The following LRRC17 variants were observed in gnomAD, a reference collection of about 807,000 sequenced individuals.
The protein encoded by LRRC17 is leucine-rich repeat-containing protein 17.
LRRC17 carries 33 observed loss-of-function variants against 41.5 expected under a neutral mutation model. That is an observed-to-expected ratio of 0.80 (90% CI 0.60 to 1.06). LRRC17 has a LOEUF of 1.06. Among genes scored for constraint, LRRC17 ranks in the 50% least tolerant of loss-of-function variants. LRRC17 has a pLI of 0.00. For synonymous variants in LRRC17, 192 were observed against 197.0 expected (o/e 0.97, Z 0.21); for missense variants, 491 against 519.3 (o/e 0.95, Z 0.53).
chr7:102,944,213 C>T lies in LRRC17; in HGVS notation c.932C>T (p.Ala311Val), dbSNP rs1349134552. 6.3e-7 allele frequency: 1 copy of T among 1,599,770 alleles called. No individual in the cohort carries two copies. The highest frequency in any genetic ancestry group is 1.7e-5 in the Admixed American group (1 of 57,200). Residue 311 changes from alanine (A) to valine (V), a missense_variant, in exon 4 of 4, where the codon GCT becomes GTT. Ala to Val is a moderately conservative substitution (Grantham distance 64, BLOSUM62 0). Coordinates refer to ENST00000339431, the MANE Select transcript of LRRC17 (RefSeq NM_001031692.3). ...AATAAATATTTTCTGTTTCCAGCCG[C>T]TTTTTTAGGGCTCACACATTTAGAA... ...SNGIEFIDPA[A>V]FLGLTHLEEL...
intron 1 of LRRC17, among the ~76,000 whole-genome samples, chr7:102,915,726 C>T (rs1206876909): frequency 8.9e-6 from 1 of 112,044 alleles, no homozygotes; most frequent in African/African-American, 5.8e-5. Context: ...ACATAATTAC[C>T]AAATAAAAAA....
At chr7:102,938,705 A>C (rs1055502490) in intron 2 of LRRC17, among the ~76,000 whole-genome samples, 20 of 152,222 alleles carry the variant, frequency 1.3e-4, no homozygotes, top group African/African-American at 4.8e-4. Flanking sequence ...ATCAAAAGCA[A>C]ACACTTTGCA....
Position 102,942,236 on chromosome 7 carries a change from TTAAGGCAAAATGACC to T in LRRC17, c.929-1970_929-1956del, listed in dbSNP as rs1305089576. The T allele has an allele frequency of 1.5e-5, 22 of 1,441,216 alleles. No homozygotes were observed. In the African/African-American group the frequency reaches 2.9e-4, roughly 19 times the overall value. 89.3% of individuals were successfully genotyped at this position (1,441,216 alleles called of 1,614,324 possible). On this transcript the variant is annotated intron_variant, in intron 3 of 3. Transcript: ENST00000339431. ...TTGAAACAAAAAAGTATCTTGGCAGTTAAGGCAAAATGACCTAAAGAAGTTTTAAAATGAAAGGTC... is the reference window on the plus strand; with the variant it reads ...TTGAAACAAAAAAGTATCTTGGCAGTTAAAGAAGTTTTAAAATGAAAGGTC...
At chr7:102,921,801 T>G (rs1817088411) in intron 1 of LRRC17, among the ~76,000 whole-genome samples, 1 of 152,182 alleles carries the variant, frequency 6.6e-6, no homozygotes, top group Non-Finnish European at 1.5e-5. Context: ...GTAGAAATAA[T>G]TCAGTCCACA....
chr7:102,937,565 G>A (rs1038703815), intron 2 of LRRC17, among the ~76,000 whole-genome samples: 1 of 150,912 alleles, frequency 6.6e-6, no homozygotes, highest in Non-Finnish European at 1.5e-5. Flanking sequence ...AGTACAAATG[G>A]CTTTCACTGT....
chr7:102,926,548 T>G (rs990964523), intron 1 of LRRC17, among the ~76,000 whole-genome samples: 1 of 152,230 alleles, frequency 6.6e-6, no homozygotes, highest in African/African-American at 2.4e-5. Flanking sequence ...AAGCCAATGC[T>G]TTTGCTCAAA....
Position 102,944,179 on chromosome 7 carries a change from CTCAGGCTCAATAAATATTT to C in LRRC17, c.929-28_929-10del. On this transcript the variant is annotated splice_polypyrimidine_tract_variant and intron_variant, in intron 3 of 3. Coordinates refer to ENST00000339431, the MANE Select transcript of LRRC17 (RefSeq NM_001031692.3). ...GCCATACACTGTATTAACTCAATTA[CTCAGGCTCAATAAATATTT>C]TCTGTTTCCAGCCGCTTTTTTAGGG... 6.4e-7 allele frequency: 1 copy of C among 1,564,612 alleles called. No homozygotes were observed. The highest frequency in any genetic ancestry group is 8.6e-7 in the Non-Finnish European group (1 of 1,157,096).
rs779578618 is a variant in LRRC17, at chr7:102,933,963, A to G, written c.50A>G (p.Glu17Gly). Residue 17 changes from glutamate to glycine, a missense_variant, in exon 2 of 4, where the codon GAG (glutamate) becomes GGG (glycine). Transcript: ENST00000339431. Reference protein sequence around the residue: ...VILLCFCKAAELRKASPGSVR... With the variant: ...VILLCFCKAAGLRKASPGSVR... ...TTGCTCTGCTTTTGCAAAGCGGCTG[A>G]GCTGCGCAAAGCAAGCCCAGGCAGT... The G allele has an allele frequency of 3.1e-6, 5 of 1,613,824 alleles. No homozygotes were observed. The South Asian group carries it at 4.4e-5, about 14-fold the overall frequency.
chr7:102,933,767 C>G lies in LRRC17; in HGVS notation c.-140-7C>G. 1.4e-6 allele frequency: 1 copy of G among 735,238 alleles called. No homozygotes were observed. The allele number at this position is 735,238 out of a possible 1,614,324, so 45.5% of individuals were successfully genotyped here. On this transcript the variant is annotated splice_region_variant and splice_polypyrimidine_tract_variant and intron_variant, in intron 1 of 3. Coordinates refer to ENST00000339431, the MANE Select transcript of LRRC17 (RefSeq NM_001031692.3). ...TAATTTTTAATATATATTTTTTTCTCTTCCAGCCTAGGGACTCCACGTACC... is the reference window on the plus strand; with the variant it reads ...TAATTTTTAATATATATTTTTTTCTGTTCCAGCCTAGGGACTCCACGTACC...
chr7:102,942,969 T>G (rs996958683), intron 3 of LRRC17, among the ~76,000 whole-genome samples: 4 of 150,090 alleles, frequency 2.7e-5, no homozygotes, highest in African/African-American at 9.8e-5. Flanking sequence ...GTAGATTTCT[T>G]TGCTCTTAGA....
At chr7:102,926,596 CA>C (rs750998901) in intron 1 of LRRC17, among the ~76,000 whole-genome samples, 16 of 152,296 alleles carry the variant, frequency 1.1e-4, no homozygotes, top group Admixed American at 3.3e-4. Context: ...CCTTGGAAAT[CA>C]AGTCTCATTC....
intron 1 of LRRC17, among the ~76,000 whole-genome samples, chr7:102,919,198 G>T (rs531046726): frequency 3.0e-4 from 46 of 152,300 alleles, no homozygotes; most frequent in South Asian, 2.1e-3. Context: ...AGGAATTGGT[G>T]CTTCTCCTCA....
rs561931539 is a variant in LRRC17 at position 102,918,548 on chromosome 7, G to C, written c.-141+5403G>C. 1.2e-3 allele frequency among the ~76,000 whole-genome samples: 183 copies of C among 152,318 alleles called. 1 individual carries two copies. Among genetic ancestry groups the C allele is most frequent in the African/African-American group, 4.2e-3 (176 of 41,574 alleles). ...ACTACACCCTGGGTCACACAGAGTG[G>C]ATCATGCCTATAACCCCAGCACTTT... On this transcript the variant is annotated intron_variant, in intron 1 of 3. Coordinates refer to ENST00000339431, the MANE Select transcript of LRRC17 (RefSeq NM_001031692.3).
At chr7:102,941,560 GATAA>G (rs1374528860) in intron 3 of LRRC17, among the ~76,000 whole-genome samples, 1 of 152,088 alleles carries the variant, frequency 6.6e-6, no homozygotes, top group African/African-American at 2.4e-5. Flanking sequence ...CCCCTGTCTT[GATAA>G]ATAGACTCTG....
At chr7:102,932,477 A>T (rs1026214925) in intron 1 of LRRC17, among the ~76,000 whole-genome samples, 1 of 13,566 alleles carries the variant, frequency 7.4e-5, no homozygotes, top group Non-Finnish European at 2.0e-4. Flanking sequence ...TAAGTTGCAG[A>T]CACCAGTACA....
At chr7:102,930,124 A>G (rs572628865) in intron 1 of LRRC17, among the ~76,000 whole-genome samples, 14 of 152,292 alleles carry the variant, frequency 9.2e-5, no homozygotes, top group Admixed American at 5.9e-4. Flanking sequence ...CAAGTGGTTC[A>G]GTATTGAAAT....
At chr7:102,920,438 C>G (rs1029595949) in intron 1 of LRRC17, among the ~76,000 whole-genome samples, 1 of 151,956 alleles carries the variant, frequency 6.6e-6, no homozygotes, top group Non-Finnish European at 1.5e-5. Flanking sequence ...GCAGCCTCAA[C>G]CTCTGTGCTC....
At chr7:102,915,997 T>G (rs75716414) in intron 1 of LRRC17, among the ~76,000 whole-genome samples, 1 of 151,312 alleles carries the variant, frequency 6.6e-6, no homozygotes, top group South Asian at 2.1e-4. Flanking sequence ...TTTTTTTTTT[T>G]GTTTGAGACG....
At chr7:102,930,375 C>T (rs1370781534) in intron 1 of LRRC17, among the ~76,000 whole-genome samples, 4 of 152,232 alleles carry the variant, frequency 2.6e-5, no homozygotes, top group African/African-American at 9.6e-5. Context: ...CCTCTATAAA[C>T]CTGTTTCCAT....
Sources: allele counts gnomAD v4.1 joint callset (sites outside exome capture counted in the v4.1 genomes callset), GRCh38; gene constraint gnomAD v4.1.1; transcripts MANE v1.5; gene names NCBI Gene and HGNC (gene_info 2026-07-23, HGNC 2026-07-21).